The following SLC23A3 variants were observed in gnomAD, a reference collection of about 807,000 sequenced individuals.
SLC23A3 encodes solute carrier family 23 member 3.
In SLC23A3, 41 loss-of-function variants were observed where a neutral mutation model predicts 64.7. That is an observed-to-expected ratio of 0.63 (90% CI 0.49 to 0.82). SLC23A3 has a LOEUF of 0.82. SLC23A3 is among the 40% of genes least tolerant of loss of function. SLC23A3 has a pLI of 0.00. For missense variants in SLC23A3, 647 were observed against 733.4 expected, an observed-to-expected ratio of 0.88 and a Z score of 1.36; for synonymous variants, 281 against 306.8, an observed-to-expected ratio of 0.92 and a Z score of 0.88.
chr2:219,168,118 C>A, intron 6 of SLC23A3, 74 bp from the exon 7 acceptor site: 1 of 1,578,774 alleles, frequency 6.3e-7, no homozygotes. Context: ...TAGACAGAAG[C>A]CAAAAGGTAG....
At position 219,165,289 on chromosome 2, in the gene SLC23A3, T is replaced by C; in HGVS notation, c.1047A>G (p.Pro349=). 1 of 1,551,508 alleles carries C rather than the reference T, an allele frequency of 6.4e-7. No homozygotes were observed. Among genetic ancestry groups the C allele is most frequent in the Non-Finnish European group, 8.7e-7 (1 of 1,146,972 alleles). The change falls in exon 8 of 12, where the codon CCA becomes CCG. Residue 349 remains proline (P), a synonymous_variant. Transcript: ENST00000409878. Reference sequence around the variant, plus strand: ...GGCTCAGCCCTCGACTGCAGGCATGTGGAGGTGGGGGAGGCAAATGCAGCA... The same window carrying C: ...GGCTCAGCCCTCGACTGCAGGCATGCGGAGGTGGGGGAGGCAAATGCAGCA... ...GRLLHLPPPP[P]HACSRGLSLE... is the part of the protein sequence containing the mutation.
Position 219,168,730 on chromosome 2 carries a change from G to T in SLC23A3, c.596C>A (p.Pro199His). The part of the protein sequence containing the change: ...FPHCGPLVLA[P>H]SLVVAGLSAH... ...AGAGAGCCCTGCCACAACCAGGCTG[G>T]GAGCCAGCACCAGGGGCCCACAGTG... Residue 199 changes from proline to histidine, a missense_variant, in exon 5 of 12, where the codon CCC (proline) becomes CAC (histidine). Coordinates refer to ENST00000409878, the MANE Select transcript of SLC23A3 (RefSeq NM_001144889.2). 1 of 1,613,750 alleles carries T rather than the reference G, an allele frequency of 6.2e-7. No individual in the cohort carries two copies. The highest frequency in any genetic ancestry group is 8.5e-7 in the Non-Finnish European group (1 of 1,179,828).
At position 219,164,298 on chromosome 2, in the gene SLC23A3, C is replaced by A; in HGVS notation, c.1208G>T (p.Cys403Phe). 6.2e-7 allele frequency: 1 copy of A among 1,608,682 alleles called. No individual in the cohort carries two copies. Among genetic ancestry groups the A allele is most frequent in the Non-Finnish European group, 8.5e-7 (1 of 1,177,650 alleles). ...CCTGGGGGAGAGTCCAAGCCCCACG[C>A]AGAGTAGCCCCACTAAGTGAGCCAC... ...QQVAHLVGLL[C>F]VGLGLSPRLA... is the part of the protein sequence containing the mutation. The change falls in exon 9 of 12, where the codon TGC becomes TTC. Residue 403 changes from cysteine (C) to phenylalanine (F), a missense_variant. Physicochemically the swap from Cys to Phe is radical, Grantham distance 205 (BLOSUM62 -2). Transcript: ENST00000409878.
chr2:219,168,354 G>T, intron 5 of SLC23A3, 36 bp from the exon 6 acceptor site: 1 of 1,543,282 alleles, frequency 6.5e-7, no homozygotes, highest in East Asian at 2.4e-5. Context: ...AAGAGGCAGT[G>T]GGTATCCTGA....
chr2:219,169,909 G>A lies in SLC23A3; in HGVS notation c.76C>T (p.Pro26Ser). The change falls in exon 1 of 12, where the codon CCT becomes TCT. Residue 26 changes from proline to serine, a missense_variant. Transcript: ENST00000409878. The surrounding 1 kb of genome is among the most constrained non-coding windows in gnomAD (Gnocchi z 4.5). ...SQDALAPLPPPAPQNPSTHSW... is the reference protein window; with the variant it reads ...SQDALAPLPPSAPQNPSTHSW... ...TGGGTGGAGGGATTCTGGGGAGCAG[G>A]TGGAGGCAAGGGGGCCAGGGCATCC... is the stretch of plus-strand genomic sequence containing the variant. 1.2e-6 allele frequency: 2 copies of A among 1,613,792 alleles called. No individual in the cohort carries two copies. Among genetic ancestry groups the A allele is most frequent in the Non-Finnish European group, 1.7e-6 (2 of 1,179,852 alleles).
chr2:219,165,422 C>T lies in SLC23A3; in HGVS notation c.914G>A (p.Gly305Asp). The T allele has an allele frequency of 6.5e-7, 1 of 1,545,334 alleles. No homozygotes were observed. The highest frequency in any genetic ancestry group is 8.7e-7 in the Non-Finnish European group (1 of 1,145,040). Residue 305 changes from glycine (G) to aspartate (D), a missense_variant and splice_region_variant, in exon 8 of 12, where the codon GGT (glycine) becomes GAT (aspartate). Coordinates refer to ENST00000409878, the MANE Select transcript of SLC23A3 (RefSeq NM_001144889.2). ...KAPWIWLPHP[G>D]EWNWPLLTPR... The stretch of plus-strand genomic sequence containing the variant: ...CGTCAGCAAAGGCCAATTCCACTCA[C>T]CTGGGGAGGGAGAAGAAGCCACTTT...
chr2:219,163,277 T>G (rs376590759), intron 10 of SLC23A3, 111 bp downstream of exon 10: 1 of 1,028,144 alleles, frequency 9.7e-7, no homozygotes. Flanking sequence ...AACAAATGGA[T>G]GAAGTATTTA....
At chr2:219,167,731 C>T (rs1461832577) in intron 7 of SLC23A3, among the ~76,000 whole-genome samples, 199 bp downstream of exon 7, 1 of 151,986 alleles carries the variant, frequency 6.6e-6, no homozygotes, top group Non-Finnish European at 1.5e-5. Flanking sequence ...CAGAGTGAGA[C>T]CCTGTCTCAA....
intron 10 of SLC23A3, among the ~76,000 whole-genome samples, chr2:219,162,851 C>T (rs1949963291): frequency 6.6e-6 from 1 of 152,178 alleles, no homozygotes; most frequent in South Asian, 2.1e-4. Context: ...ACCCTAGTAA[C>T]AACTCCCTCT....
chr2:219,163,672 T>A, intron 9 of SLC23A3, 117 bp from the exon 10 acceptor site: 1 of 1,022,800 alleles, frequency 9.8e-7, no homozygotes, highest in Non-Finnish European at 1.4e-6. Context: ...AAGAGAATGA[T>A]TTTTGTTTTT....
rs1949951411 is a variant in SLC23A3 at position 219,162,170 on chromosome 2, T to G, written c.1572A>C (p.Leu524=). 2 of 1,612,612 alleles carry G rather than the reference T, an allele frequency of 1.2e-6. No homozygotes were observed. Among genetic ancestry groups the G allele is most frequent in the East Asian group, 4.5e-5 (2 of 44,830 alleles). The change falls in exon 12 of 12, where the codon CTA becomes CTC. Residue 524 remains leucine, a synonymous_variant. Transcript: ENST00000409878. ...TQLERGLGQG[L]PSPFTAQEAR... is the part of the protein sequence containing the mutation. Reference sequence around the variant, plus strand: ...CCTCTTGGGCAGTGAAAGGAGATGGTAGCCCTTGACCTAGGCCTCGCTCAA... The same window carrying G: ...CCTCTTGGGCAGTGAAAGGAGATGGGAGCCCTTGACCTAGGCCTCGCTCAA...
intron 5 of SLC23A3, 127 bp downstream of exon 5, chr2:219,168,525 T>G: frequency 8.6e-7 from 1 of 1,159,200 alleles, no homozygotes; most frequent in African/African-American, 1.6e-5. Flanking sequence ...AGTCTTGGAT[T>G]CCAAATATAA....
At position 219,162,053 on chromosome 2, in the gene SLC23A3, A is replaced by G; in HGVS notation, c.1689T>C (p.Pro563=). 1 of 1,614,046 alleles carries G rather than the reference A, an allele frequency of 6.2e-7. No individual in the cohort carries two copies. Among genetic ancestry groups the G allele is most frequent in the Non-Finnish European group, 8.5e-7 (1 of 1,179,998 alleles). The change falls in exon 12 of 12, where the codon CCT becomes CCC. Residue 563 remains proline (P), a synonymous_variant. Coordinates refer to ENST00000409878, the MANE Select transcript of SLC23A3 (RefSeq NM_001144889.2). ...CAGGCAGTGGGCAGAGGCAGTGGAG[A>G]GGCTGGGGGATGCAGGGACAGAGGT... ...IQNLCPCIPQ[P]LHCLCPLPED...
In SLC23A3 at chr2:219,169,665, A is replaced by G. The variant is rs369156187; in HGVS notation, c.176T>C (p.Met59Thr). ...CLLALQHVLV[M>T]ASLLCVSHLL... ...GTGGGAGACACAGAGCAGAGAAGCC[A>G]TGACCAAGACATGCTGCAGGTGGAG... The change falls in exon 2 of 12, where the codon ATG becomes ACG. Residue 59 changes from methionine to threonine, a missense_variant. Met to Thr is a moderately conservative substitution (Grantham distance 81). Transcript: ENST00000409878. This position sits in a 1 kb window ranked among gnomAD's most constrained non-coding sequence, Gnocchi z 4.5. 10 of 1,614,046 alleles carry G rather than the reference A, an allele frequency of 6.2e-6. No individual in the cohort carries two copies.
At chr2:219,169,000 C>T in intron 4 of SLC23A3, 29 bp downstream of exon 4, 1 of 1,605,898 alleles carries the variant, frequency 6.2e-7, no homozygotes, top group Non-Finnish European at 8.5e-7. Context: ...TGGCACCACC[C>T]TTATCCCTTC....
Position 219,169,349 on chromosome 2 carries a change from G to A in SLC23A3, c.378C>T (p.Thr126=). Residue 126 remains threonine (T), a synonymous_variant, in exon 3 of 12, where the codon ACC becomes ACT. Coordinates refer to ENST00000409878, the MANE Select transcript of SLC23A3 (RefSeq NM_001144889.2). The surrounding 1 kb of genome is among the most constrained non-coding windows in gnomAD (Gnocchi z 4.5). ...GGATGGCCCGGGGTAGCTTCTGGCTGGTCAGCACCAGAGCAGGGATAAGGA... is the reference window on the plus strand; with the variant it reads ...GGATGGCCCGGGGTAGCTTCTGGCTAGTCAGCACCAGAGCAGGGATAAGGA... ...LEFLIPALVL[T]SQKLPRAIQT... The A allele has an allele frequency of 6.2e-7, 1 of 1,614,178 alleles. No individual in the cohort carries two copies.
intron 9 of SLC23A3, 21 bp from the exon 10 acceptor site, chr2:219,163,576 C>G: frequency 1.2e-6 from 2 of 1,613,728 alleles, no homozygotes; most frequent in Middle Eastern, 3.3e-4. Flanking sequence ...CAGAAGAAAT[C>G]AAGGGGGTCA....
chr2:219,164,369 G>A (rs1279607528), intron 8 of SLC23A3, 31 bp from the exon 9 acceptor site: 2 of 1,432,738 alleles, frequency 1.4e-6, no homozygotes, highest in Non-Finnish European at 1.9e-6. Context: ...GGAAAACACA[G>A]CCACTTCCTC....
intron 7 of SLC23A3, 37 bp from the exon 8 acceptor site, chr2:219,165,459 C>G: frequency 6.5e-7 from 1 of 1,533,722 alleles, no homozygotes; most frequent in Non-Finnish European, 8.8e-7. Flanking sequence ...GGGCCAGACT[C>G]AAGTCAGGAG....
Sources: gnomAD v4.1 joint callset for allele counts (sites outside exome capture counted in the v4.1 genomes callset) on GRCh38, gnomAD v4.1.1 for gene constraint, Gnocchi (gnomAD v3.1) non-coding constraint, MANE v1.5 for transcripts, NCBI Gene and HGNC (gene_info 2026-07-23, HGNC 2026-07-21) for gene names.